Variants in AP3S1 observed in about 807,000 individuals in gnomAD.
AP3S1 encodes adaptor related protein complex 3 subunit sigma 1.
A neutral mutation model predicts 21.3 loss-of-function variants in AP3S1; 12 were observed. The observed-to-expected ratio is 0.56, with a 90% CI of 0.36 to 0.91. The LOEUF (loss-of-function observed/expected upper bound fraction) is 0.91, where lower values mean the gene tolerates loss of function less well. Ranked by LOEUF, AP3S1 falls within the 40% of genes least tolerant of loss-of-function variation. The pLI, the probability that AP3S1 is intolerant of heterozygous loss-of-function variation, is 0.01. For synonymous variants in AP3S1, 48 were observed against 78.4 expected (o/e 0.61, Z 2.05); for missense variants, 116 against 225.0 (o/e 0.52, Z 3.10).
intron 1 of AP3S1, 86 bp downstream of exon 1, chr5:115,842,192 C>T (rs1761629833): frequency 2.0e-6 from 3 of 1,472,990 alleles, no homozygotes; most frequent in Admixed American, 2.3e-5. Flanking sequence ...GAGCGACCCC[C>T]TCCGGCGCGC....
intron 5 of AP3S1, 108 bp from the exon 6 acceptor site, chr5:115,913,254 G>A (rs756380915): frequency 7.7e-5 from 95 of 1,227,056 alleles, no homozygotes; most frequent in Non-Finnish European, 9.7e-5. Context: ...TGGTCCCTAA[G>A]CTTGTTATAT....
intron 3 of AP3S1, among the ~76,000 whole-genome samples, chr5:115,873,868 C>G (rs1308602161): frequency 6.6e-6 from 1 of 152,032 alleles, no homozygotes; most frequent in Non-Finnish European, 1.5e-5. Context: ...ATCAAGAAAA[C>G]TCAATATGTA....
chr5:115,859,873 A>G (rs1450805606), intron 1 of AP3S1, among the ~76,000 whole-genome samples: 1 of 152,230 alleles, frequency 6.6e-6, no homozygotes, highest in Non-Finnish European at 1.5e-5. Flanking sequence ...TGGTATCTGT[A>G]CATTTACCTA....
intron 3 of AP3S1, among the ~76,000 whole-genome samples, chr5:115,891,780 C>T (rs142238678): frequency 6.6e-5 from 10 of 152,252 alleles, no homozygotes; most frequent in African/African-American, 1.9e-4. Flanking sequence ...AAGCCACAGA[C>T]GCTCAACACC....
intron 5 of AP3S1, among the ~76,000 whole-genome samples, chr5:115,913,066 T>C (rs1453886873): frequency 1.3e-5 from 2 of 152,172 alleles, no homozygotes; most frequent in South Asian, 2.1e-4. Flanking sequence ...AATCAAGATA[T>C]AGGTGAAGAT....
intron 1 of AP3S1, among the ~76,000 whole-genome samples, chr5:115,859,684 G>C (rs1367953494): frequency 6.6e-6 from 1 of 152,174 alleles, no homozygotes; most frequent in Non-Finnish European, 1.5e-5. Flanking sequence ...GTGTGCCCTG[G>C]AAGTAAGGGA....
At chr5:115,877,954 T>A (rs1748882686) in intron 3 of AP3S1, among the ~76,000 whole-genome samples, 1 of 152,218 alleles carries the variant, frequency 6.6e-6, no homozygotes, top group African/African-American at 2.4e-5. Flanking sequence ...TGACCAGTGA[T>A]GATGAGGTTT....
chr5:115,910,176 G>T (rs1388905251), intron 5 of AP3S1, among the ~76,000 whole-genome samples: 1 of 149,492 alleles, frequency 6.7e-6, no homozygotes, highest in Non-Finnish European at 1.5e-5. Flanking sequence ...CAGATGGGAA[G>T]ATCACTTGAG....
intron 5 of AP3S1, among the ~76,000 whole-genome samples, chr5:115,905,895 C>G (rs918812798): frequency 6.6e-6 from 1 of 152,244 alleles, no homozygotes; most frequent in Non-Finnish European, 1.5e-5. Flanking sequence ...TGGCTCACGC[C>G]TGTAATCCCA....
chr5:115,853,738 G>C (rs1326549085), intron 1 of AP3S1, among the ~76,000 whole-genome samples: 3 of 152,062 alleles, frequency 2.0e-5, no homozygotes, highest in Admixed American at 6.6e-5. Flanking sequence ...AATTGCCTTG[G>C]TACTTTACTC....
At chr5:115,853,122 C>A in intron 1 of AP3S1, 1 of 398,794 alleles carries the variant, frequency 2.5e-6, no homozygotes, top group Non-Finnish European at 5.0e-6. Flanking sequence ...TTCTTCATAT[C>A]CTAACCAACT....
chr5:115,907,781 G>A (rs999489377), intron 5 of AP3S1, among the ~76,000 whole-genome samples: 5 of 152,024 alleles, frequency 3.3e-5, no homozygotes, highest in Non-Finnish European at 7.4e-5. Flanking sequence ...TTTCCTGTAC[G>A]TTTTTTCACA....
chr5:115,863,826 T>G (rs762293219), intron 1 of AP3S1, among the ~76,000 whole-genome samples: 2 of 152,032 alleles, frequency 1.3e-5, no homozygotes, highest in African/African-American at 4.8e-5. Flanking sequence ...CAGCAAAGGA[T>G]GGTTTGATGC....
At chr5:115,894,640 G>A (rs140890781) in intron 3 of AP3S1, among the ~76,000 whole-genome samples, 6 of 152,216 alleles carry the variant, frequency 3.9e-5, no homozygotes, top group Admixed American at 6.5e-5. Context: ...GTGCTTTTTC[G>A]CTAAGTAGTT....
chr5:115,895,219 A>G, intron 4 of AP3S1, 61 bp downstream of exon 4: 2 of 1,172,246 alleles, frequency 1.7e-6, no homozygotes, highest in Non-Finnish European at 1.2e-6. Flanking sequence ...TAATTGTCAT[A>G]GCAAAAATGG....
intron 1 of AP3S1, among the ~76,000 whole-genome samples, chr5:115,858,282 C>T (rs73267424): frequency 0.015 from 2,325 of 152,278 alleles, 66 homozygotes; most frequent in African/African-American, 0.053. Context: ...ATTATGACTC[C>T]ACATTGACTG....
chr5:115,845,495 G>T (rs544184733), intron 1 of AP3S1, among the ~76,000 whole-genome samples: 1 of 152,198 alleles, frequency 6.6e-6, no homozygotes, highest in South Asian at 2.1e-4. Flanking sequence ...CACCTGTTTT[G>T]CTAAACAGAA....
chr5:115,842,222 C>G lies in AP3S1; in HGVS notation c.69+116C>G, dbSNP rs927767103. 1.5e-4 allele frequency: 210 copies of G among 1,384,932 alleles called. No individual in the cohort carries two copies. The Middle Eastern group carries it at 1.5e-3, about 10-fold the overall frequency. 85.8% of individuals were successfully genotyped at this position (1,384,932 alleles called of 1,614,324 possible). On this transcript the variant is annotated intron_variant, in intron 1 of 5. Coordinates refer to ENST00000316788, the MANE Select transcript of AP3S1 (RefSeq NM_001284.4). ...GCGCGCTGCGGCCCTTGTCCCGTCC[C>G]GGCCGCCTGGCGCTCGCCAGCTGTC...
At chr5:115,852,436 T>C (rs983850140) in intron 1 of AP3S1, among the ~76,000 whole-genome samples, 2 of 151,904 alleles carry the variant, frequency 1.3e-5, no homozygotes, top group South Asian at 4.1e-4. Flanking sequence ...AGAAATTAGC[T>C]AACCTTTTAA....
Sources: allele counts gnomAD v4.1 joint callset (sites outside exome capture counted in the v4.1 genomes callset), GRCh38; gene constraint gnomAD v4.1.1; transcripts MANE v1.5; gene names NCBI Gene and HGNC (gene_info 2026-07-23, HGNC 2026-07-21).